ABCA8: variants seen among roughly 807,000 people sequenced by gnomAD.
ABCA8 encodes ABC-type organic anion transporter ABCA8.
ABCA8 carries 177 observed loss-of-function variants against 192.3 expected under a neutral mutation model. The observed-to-expected ratio is 0.92, with a 90% CI of 0.81 to 1.04. The LOEUF (loss-of-function observed/expected upper bound fraction) is 1.04. ABCA8 is among the 50% of genes least tolerant of loss of function. ABCA8 has a pLI of 0.00. For synonymous variants in ABCA8, 642 were observed against 690.2 expected (o/e 0.93, Z 1.09); for missense variants, 1,915 against 1,904.8 (o/e 1.01, Z -0.10).
chr17:68,932,594 G>T, intron 6 of ABCA8, 80 bp from the exon 7 acceptor site: 1 of 1,055,994 alleles, frequency 9.5e-7, no homozygotes, highest in Admixed American at 1.9e-5. Context: ...ATTTTCTTGT[G>T]GATGTATGAT....
At chr17:68,918,019 A>G in intron 16 of ABCA8, 28 bp downstream of exon 16, 1 of 1,613,010 alleles carries the variant, frequency 6.2e-7, no homozygotes, top group Non-Finnish European at 8.5e-7. Flanking sequence ...AGTCCTCCTC[A>G]GGATACTTAA....
At position 68,887,371 on chromosome 17, in the gene ABCA8, C is replaced by G; in HGVS notation, c.3280G>C (p.Glu1094Gln). ...IYLMSYISNF[E>Q]DMLLTIIHII... ...TGAATTATTGTAAGTAGCATGTCTT[C>G]GAAGTTTGAAATGTAGCTCATTAAA... Residue 1094 changes from glutamate to glutamine, a missense_variant, in exon 25 of 40, where the codon GAA becomes CAA. Physicochemically the swap from Glu to Gln is conservative, Grantham distance 29. Transcript: ENST00000586539. The G allele has an allele frequency of 1.2e-6, 2 of 1,610,676 alleles. No individual in the cohort carries two copies. The highest frequency in any genetic ancestry group is 1.7e-6 in the Non-Finnish European group (2 of 1,178,166).
intron 33 of ABCA8, 131 bp from the exon 34 acceptor site, chr17:68,876,834 A>C: frequency 9.7e-7 from 1 of 1,032,860 alleles, no homozygotes; most frequent in African/African-American, 1.6e-5. Context: ...GGGGCAGGGA[A>C]GGAGGGGTGA....
intron 21 of ABCA8, among the ~76,000 whole-genome samples, chr17:68,901,618 C>T (rs564880743): frequency 2.1e-4 from 32 of 152,112 alleles, no homozygotes; most frequent in African/African-American, 7.0e-4. Context: ...CCATCCTGGC[C>T]AACATGGTGA....
rs376181381 is a variant in ABCA8, at chr17:68,924,762, G to A, written c.1381C>T (p.Pro461Ser). Residue 461 changes from proline (P) to serine (S), a missense_variant, in exon 11 of 40, where the codon CCT becomes TCT. Transcript: ENST00000586539. ...VALEDEMDAD[P>S]SFHDSFEQAP... ...TGTTCAAAAGAGTCATGAAATGAAG[G>A]ATCGGCATCCATTTCATCTTCAAGG... 22 of 1,614,086 alleles carry A rather than the reference G, an allele frequency of 1.4e-5. No homozygotes were observed. The Admixed American group carries it at 2.0e-4, about 15-fold the overall frequency.
In ABCA8 at chr17:68,921,436, C is replaced by T. The variant is rs778033899; in HGVS notation, c.1558G>A (p.Ala520Thr). 3 of 1,611,070 alleles carry T rather than the reference C, an allele frequency of 1.9e-6. No individual in the cohort carries two copies. Among genetic ancestry groups the T allele is most frequent in the East Asian group, 4.5e-5 (2 of 44,830 alleles). ...QITAILGHSG[A>T]GKSTLLNILS... is the part of the protein sequence containing the mutation. ...ATGTTTAGCAGTGTTGACTTTCCAG[C>T]TCCACTGTGACCAAGTATTGCAGTG... The change falls in exon 13 of 40, where the codon GCT becomes ACT. Residue 520 changes from alanine (A) to threonine (T), a missense_variant. Transcript: ENST00000586539.
intron 30 of ABCA8, among the ~76,000 whole-genome samples, chr17:68,882,206 G>C (rs1283210460): frequency 6.6e-6 from 1 of 152,116 alleles, no homozygotes; most frequent in African/African-American, 2.4e-5. Flanking sequence ...CAGGAGCACA[G>C]TATTTTATAC....
chr17:68,910,650 C>T (rs978906559), intron 17 of ABCA8, among the ~76,000 whole-genome samples: 1 of 152,158 alleles, frequency 6.6e-6, no homozygotes, highest in Non-Finnish European at 1.5e-5. Flanking sequence ...CAACACCAGA[C>T]AGTGCAGCTC....
chr17:68,887,918 AT>A lies in ABCA8; in HGVS notation c.3145-413del, dbSNP rs1308327475. On this transcript the variant is annotated intron_variant, in intron 24 of 39. Coordinates refer to ENST00000586539, the MANE Select transcript of ABCA8 (RefSeq NM_001288985.2). The stretch of plus-strand genomic sequence containing the variant: ...TATATATATATATATCCATATATAT[AT>A]ATATATTATATATGGATATATATAT... Among the ~76,000 whole-genome samples, 131 of 27,890 alleles carry A rather than the reference AT, an allele frequency of 4.7e-3. 5 individuals are homozygous for A. Among genetic ancestry groups the A allele is most frequent in the East Asian group, 0.045 (18 of 398 alleles). The allele number at this position is 27,890 out of a possible 152,430, so 18.3% of individuals were successfully genotyped here.
chr17:68,893,787 C>A (rs1256788896), intron 23 of ABCA8, among the ~76,000 whole-genome samples: 1 of 138,364 alleles, frequency 7.2e-6, no homozygotes, highest in Non-Finnish European at 1.5e-5. Context: ...GCACATTGTG[C>A]AGGTTAGTTA....
At chr17:68,904,953 T>C (rs1170351517) in intron 19 of ABCA8, among the ~76,000 whole-genome samples, 1 of 152,226 alleles carries the variant, frequency 6.6e-6, no homozygotes, top group Non-Finnish European at 1.5e-5. Context: ...ATTATTGAGA[T>C]ATTTGATAGC....
chr17:68,894,111 A>G (rs768209455), intron 23 of ABCA8, 62 bp downstream of exon 23: 3 of 1,558,054 alleles, frequency 1.9e-6, no homozygotes, highest in Admixed American at 1.7e-5. Flanking sequence ...AGCACTTAAA[A>G]GGGTGATCTG....
chr17:68,929,205 C>A lies in ABCA8; in HGVS notation c.969G>T (p.Leu323Phe). The A allele has an allele frequency of 6.3e-7, 1 of 1,599,182 alleles. No individual in the cohort carries two copies. Among genetic ancestry groups the A allele is most frequent in the Non-Finnish European group, 8.5e-7 (1 of 1,173,418 alleles). Residue 323 changes from leucine to phenylalanine, a missense_variant, in exon 9 of 40, where the codon TTG becomes TTT. By Grantham distance (22) the Leu-to-Phe change is conservative (BLOSUM62 0). Transcript: ENST00000586539. ...LVALAFLMSI[L>F]VKKSFLTGLV... ...GGCCGGTGAGGAAAGATTTCTTTACCAAGATGCTCATTAAGAAAGCCAAAG... is the reference window on the plus strand; with the variant it reads ...GGCCGGTGAGGAAAGATTTCTTTACAAAGATGCTCATTAAGAAAGCCAAAG...
rs75305036 is a variant in ABCA8 at position 68,889,645 on chromosome 17, G to A, written c.3144+1844C>T. ...TTTCTGTACCACAATCATAGGCAAG[G>A]TGTAGAACAACCCCTGAAGTTTCCC... On this transcript the variant is annotated intron_variant, in intron 24 of 39. Transcript: ENST00000586539. 5.9e-3 allele frequency among the ~76,000 whole-genome samples: 896 copies of A among 152,266 alleles called. 11 individuals are homozygous for A. The highest frequency in any genetic ancestry group is 0.021 in the African/African-American group (857 of 41,548).
intron 21 of ABCA8, among the ~76,000 whole-genome samples, chr17:68,896,246 AC>A (rs1419290444): frequency 1.3e-5 from 2 of 152,204 alleles, no homozygotes; most frequent in East Asian, 3.8e-4. Context: ...TGAACCATAC[AC>A]CAGCTAAAAG....
intron 23 of ABCA8, among the ~76,000 whole-genome samples, chr17:68,893,777 G>T: frequency 7.7e-6 from 1 of 129,178 alleles, no homozygotes; most frequent in Non-Finnish European, 1.6e-5. Context: ...GGGTACATGT[G>T]CACATTGTGC....
In ABCA8 at chr17:68,900,817, C is replaced by G. The variant is rs114000759; in HGVS notation, c.2764+1896G>C. On this transcript the variant is annotated intron_variant, in intron 21 of 39. Transcript: ENST00000586539. ...TATGGTATAAAACCCACATGATCAT[C>G]TCAGTAGACACAGAGAAAACATTTG... Among the ~76,000 whole-genome samples, 1,182 of 152,112 alleles carry G rather than the reference C, an allele frequency of 7.8e-3. 18 individuals are homozygous for G. Among genetic ancestry groups the G allele is most frequent in the African/African-American group, 0.027 (1,127 of 41,524 alleles).
intron 17 of ABCA8, among the ~76,000 whole-genome samples, chr17:68,909,091 C>T (rs1468318076): frequency 6.6e-6 from 1 of 152,116 alleles, no homozygotes; most frequent in African/African-American, 2.4e-5. Flanking sequence ...ATGCTGACTC[C>T]TGAAATGAAA....
chr17:68,907,382 C>G (rs2067097212), intron 18 of ABCA8, among the ~76,000 whole-genome samples: 4 of 151,940 alleles, frequency 2.6e-5, no homozygotes, highest in Non-Finnish European at 4.4e-5. Context: ...TTGCAAAAGT[C>G]TCACCGAGAC....
Sources: allele counts gnomAD v4.1 joint callset (sites outside exome capture counted in the v4.1 genomes callset), GRCh38; gene constraint gnomAD v4.1.1; transcripts MANE v1.5; gene names NCBI Gene and HGNC (gene_info 2026-07-23, HGNC 2026-07-21).